The following LRRC4C variants were observed in gnomAD, a reference collection of about 807,000 sequenced individuals.
LRRC4C encodes leucine-rich repeat-containing protein 4C.
Under a neutral mutation model 33.6 loss-of-function variants are expected in LRRC4C, and 5 were observed. That is an observed-to-expected ratio of 0.15 (90% CI 0.08 to 0.31). The LOEUF is 0.31. Among genes scored for constraint, LRRC4C ranks in the 10% least tolerant of loss-of-function variants. LRRC4C has a pLI of 1.00. For missense variants in LRRC4C, 560 were observed against 796.7 expected (o/e 0.70, Z 3.58); for synonymous variants, 329 against 302.0 (o/e 1.09, Z -0.93).
intron 2 of LRRC4C, among the ~76,000 whole-genome samples, chr11:40,844,529 A>C (rs1048684103): frequency 6.6e-6 from 1 of 152,202 alleles, no homozygotes; most frequent in African/African-American, 2.4e-5. Flanking sequence ...ATATGACTGT[A>C]AAAGATATCC....
At chr11:40,790,535 G>A (rs956696000) in intron 2 of LRRC4C, among the ~76,000 whole-genome samples, 4 of 152,156 alleles carry the variant, frequency 2.6e-5, no homozygotes, top group Admixed American at 6.5e-5. Context: ...AGGTGAGCAC[G>A]CGGTCCAAAT....
intron 2 of LRRC4C, among the ~76,000 whole-genome samples, chr11:40,741,991 G>C (rs1948178753): frequency 1.3e-5 from 2 of 151,850 alleles, no homozygotes; most frequent in African/African-American, 4.8e-5. Context: ...CTCCTAGCTA[G>C]AATCACCATA....
chr11:41,223,706 T>A (rs1012700818), intron 1 of LRRC4C, among the ~76,000 whole-genome samples: 1 of 152,210 alleles, frequency 6.6e-6, no homozygotes, highest in African/African-American at 2.4e-5. Flanking sequence ...AAGGCTGAGA[T>A]GGCAGATTAA....
intron 1 of LRRC4C, among the ~76,000 whole-genome samples, chr11:40,999,275 A>T (rs1400165549): frequency 1.3e-5 from 2 of 151,674 alleles, no homozygotes; most frequent in African/African-American, 2.4e-5. Context: ...CCACCTCTGT[A>T]GAGATTTCTA....
At chr11:40,255,725 T>C (rs1328446898) in intron 4 of LRRC4C, among the ~76,000 whole-genome samples, 1 of 152,178 alleles carries the variant, frequency 6.6e-6, no homozygotes, top group Non-Finnish European at 1.5e-5. Flanking sequence ...CAATGAGTTG[T>C]TCTAGCCTTA....
At chr11:40,395,147 T>A (rs1213243963) in intron 3 of LRRC4C, among the ~76,000 whole-genome samples, 1 of 152,180 alleles carries the variant, frequency 6.6e-6, no homozygotes, top group African/African-American at 2.4e-5. Context: ...ATTAGTGACA[T>A]GTTCTAAGGT....
intron 1 of LRRC4C, among the ~76,000 whole-genome samples, chr11:41,407,642 T>C (rs189434908): frequency 5.3e-4 from 81 of 152,190 alleles, no homozygotes; most frequent in Non-Finnish European, 9.4e-4. Context: ...ACCAAACATA[T>C]AGAAAACACA....
intron 3 of LRRC4C, among the ~76,000 whole-genome samples, chr11:40,448,391 C>T (rs2138047988): frequency 6.6e-6 from 1 of 152,062 alleles, no homozygotes; most frequent in South Asian, 2.1e-4. Flanking sequence ...CCTAATGCTA[C>T]CCTCCCCTAG....
intron 2 of LRRC4C, among the ~76,000 whole-genome samples, chr11:40,921,582 A>G (rs1957181990): frequency 6.6e-6 from 1 of 152,176 alleles, no homozygotes; most frequent in Non-Finnish European, 1.5e-5. Flanking sequence ...GTCAGACAGG[A>G]TTATAAGATA....
chr11:40,614,895 G>C (rs1961612661), intron 3 of LRRC4C, among the ~76,000 whole-genome samples: 1 of 151,538 alleles, frequency 6.6e-6, no homozygotes, highest in African/African-American at 2.4e-5. Context: ...ACTGCTTATG[G>C]AGTCCCCAGA....
At chr11:40,799,746 G>C (rs953670039) in intron 2 of LRRC4C, among the ~76,000 whole-genome samples, 2 of 152,338 alleles carry the variant, frequency 1.3e-5, no homozygotes, top group Admixed American at 1.3e-4. Flanking sequence ...TTGGAATACA[G>C]GCATGAGCCA....
chr11:40,525,056 G>A lies in LRRC4C; in HGVS notation c.-270+123086C>T, dbSNP rs910322042. 6.6e-5 allele frequency among the ~76,000 whole-genome samples: 10 copies of A among 152,020 alleles called. 1 individual carries two copies. In the East Asian group the frequency reaches 1.9e-3, roughly 30 times the overall value. The stretch of plus-strand genomic sequence containing the variant: ...CAAAGGCAAGAATACAGCATAGCAA[G>A]AAGAAGAATAGTAAGAAAACAAGGG... On this transcript the variant is annotated intron_variant, in intron 3 of 6. Transcript: ENST00000528697.
At chr11:40,553,226 C>T (rs1035605886) in intron 3 of LRRC4C, among the ~76,000 whole-genome samples, 1 of 152,038 alleles carries the variant, frequency 6.6e-6, no homozygotes, top group African/African-American at 2.4e-5. Flanking sequence ...GAGCTGATAT[C>T]GCGCCAGTGC....
chr11:40,878,277 G>A (rs1012207105), intron 2 of LRRC4C, among the ~76,000 whole-genome samples: 9 of 152,160 alleles, frequency 5.9e-5, no homozygotes, highest in Non-Finnish European at 8.8e-5. Context: ...CCTGCCACCA[G>A]ATGCAGCTTA....
chr11:40,426,523 G>A (rs565961577), intron 3 of LRRC4C, among the ~76,000 whole-genome samples: 6 of 152,142 alleles, frequency 3.9e-5, no homozygotes, highest in East Asian at 1.9e-4. Flanking sequence ...TATCAAGAAC[G>A]CCTACTCTGA....
intron 5 of LRRC4C, among the ~76,000 whole-genome samples, chr11:40,161,680 G>A (rs1285661113): frequency 3.3e-5 from 5 of 152,062 alleles, no homozygotes; most frequent in Admixed American, 1.3e-4. Flanking sequence ...GCTTGAACCC[G>A]GGAGGTGGAG....
At chr11:41,120,482 A>G (rs182058126) in intron 1 of LRRC4C, among the ~76,000 whole-genome samples, 533 of 152,286 alleles carry the variant, frequency 3.5e-3, no homozygotes, top group Non-Finnish European at 6.1e-3. Context: ...GAACTTGGCC[A>G]GTGGAGGCAC....
At chr11:40,350,227 C>A (rs1229232685) in intron 3 of LRRC4C, among the ~76,000 whole-genome samples, 1 of 152,068 alleles carries the variant, frequency 6.6e-6, no homozygotes. Flanking sequence ...AGCTTGCGAT[C>A]TTAGATTTAA....
chr11:41,239,321 C>CAAAAAAAAAAAAAA, intron 1 of LRRC4C, among the ~76,000 whole-genome samples: 1 of 55,168 alleles, frequency 1.8e-5, no homozygotes, highest in Non-Finnish European at 3.0e-5. Flanking sequence ...GACTCTGTCT[C>CAAAAAAAAAAAAAA]AAAAAAAAAA....
Sources: gnomAD v4.1 joint callset for allele counts (sites outside exome capture counted in the v4.1 genomes callset) on GRCh38, gnomAD v4.1.1 for gene constraint, MANE v1.5 for transcripts, NCBI Gene and HGNC (gene_info 2026-07-23, HGNC 2026-07-21) for gene names.